The following MOGAT3 variants were observed in gnomAD, a reference collection of about 807,000 sequenced individuals.
MOGAT3 encodes 2-acylglycerol O-acyltransferase 3.
A neutral mutation model predicts 34.4 loss-of-function variants in MOGAT3; 39 were observed. The observed-to-expected ratio is 1.13, with a 90% CI of 0.88 to 1.48. The LOEUF (loss-of-function observed/expected upper bound fraction) is 1.48, where lower values mean the gene tolerates loss of function less well. Among genes scored for constraint, MOGAT3 ranks in the 40% most tolerant of loss-of-function variants. The pLI is 0.00. For missense variants in MOGAT3, 439 were observed against 438.9 expected, an observed-to-expected ratio of 1.00 and a Z score of 0.00; for synonymous variants, 209 against 179.2, an observed-to-expected ratio of 1.17 and a Z score of -1.33.
chr7:101,200,131 T>A (rs953179025), intron 3 of MOGAT3, 103 bp downstream of exon 3: 11 of 944,504 alleles, frequency 1.2e-5, no homozygotes, highest in Non-Finnish European at 1.7e-5. Flanking sequence ...TGCCTGAGCT[T>A]AGGCAGCGGG....
rs554373425 is a variant in MOGAT3, at chr7:101,196,552, T to C, written c.669-163A>G. Among the ~76,000 whole-genome samples, 15 of 152,320 alleles carry C rather than the reference T, an allele frequency of 9.8e-5. No individual in the cohort carries two copies. The South Asian group carries it at 3.1e-3, about 32-fold the overall frequency. On this transcript the variant is annotated intron_variant, in intron 5 of 6. Coordinates refer to ENST00000223114, the MANE Select transcript of MOGAT3 (RefSeq NM_178176.4). Reference sequence around the variant, plus strand: ...CAAAGAAAGATCTAGAAGACAGGACTCGCATTTCTTTCTCTTTCTTTTTCT... The same window carrying C: ...CAAAGAAAGATCTAGAAGACAGGACCCGCATTTCTTTCTCTTTCTTTTTCT...
At chr7:101,200,543 T>C (rs1797929760) in intron 1 of MOGAT3, 28 bp from the exon 2 acceptor site, 2 of 1,505,106 alleles carry the variant, frequency 1.3e-6, no homozygotes, top group Non-Finnish European at 1.8e-6. Flanking sequence ...AAGAAAAGAG[T>C]TCACTTCTGA....
At chr7:101,198,128 G>A (rs1797844872) in intron 5 of MOGAT3, 63 bp downstream of exon 5, 7 of 1,540,322 alleles carry the variant, frequency 4.5e-6, no homozygotes. Flanking sequence ...CTAGATGTCT[G>A]GGGACTGAGA....
rs559362771 is a variant in MOGAT3, at chr7:101,195,935, C to T, written c.*11G>A. The stretch of plus-strand genomic sequence containing the variant: ...TGGGCTCAGGGGCTCAGCGAAAGGC[C>T]GCGGCCAGGCCTAGATGAAGGTGAG... On this transcript the variant is annotated 3_prime_UTR_variant, in exon 7 of 7. Coordinates refer to ENST00000223114, the MANE Select transcript of MOGAT3 (RefSeq NM_178176.4). 6.7e-5 allele frequency: 108 copies of T among 1,613,920 alleles called. No homozygotes were observed. Among genetic ancestry groups the T allele is most frequent in the South Asian group, 6.5e-4 (59 of 91,078 alleles).
At position 101,196,246 on chromosome 7, in the gene MOGAT3, C is replaced by G. The variant is rs144059184; in HGVS notation, c.812G>C (p.Gly271Ala). 24 of 1,601,558 alleles carry G rather than the reference C, an allele frequency of 1.5e-5. No individual in the cohort carries two copies. The African/African-American group carries it at 2.1e-4, about 14-fold the overall frequency. Residue 271 changes from glycine to alanine, a missense_variant, in exon 6 of 7, where the codon GGT (glycine) becomes GCT (alanine). Coordinates refer to ENST00000223114, the MANE Select transcript of MOGAT3 (RefSeq NM_178176.4). Reference protein sequence around the residue: ...GFSPCIFWGRGLFSATSWGLL... With the variant: ...GFSPCIFWGRALFSATSWGLL... Reference sequence around the variant, plus strand: ...GCCCCAGGAGGTGGCTGAGAAGAGACCGCGACCCCAGAAGATGCAAGGAGA... The same window carrying G: ...GCCCCAGGAGGTGGCTGAGAAGAGAGCGCGACCCCAGAAGATGCAAGGAGA...
chr7:101,195,998 T>C lies in MOGAT3; in HGVS notation c.974A>G (p.Glu325Gly). 6.2e-7 allele frequency: 1 copy of C among 1,614,108 alleles called. No individual in the cohort carries two copies. Among genetic ancestry groups the C allele is most frequent in the Non-Finnish European group, 8.5e-7 (1 of 1,180,026 alleles). ...GGGGACCCCACAGCTTTCCTTGTGCTCCTCGAAGAGCTGCTCCAGGGCCGT... is the reference window on the plus strand; with the variant it reads ...GGGGACCCCACAGCTTTCCTTGTGCCCCTCGAAGAGCTGCTCCAGGGCCGT... ...YMTALEQLFEEHKESCGVPAS... is the reference protein window; with the variant it reads ...YMTALEQLFEGHKESCGVPAS... Residue 325 changes from glutamate to glycine, a missense_variant, in exon 7 of 7, where the codon GAG becomes GGG. By Grantham distance (98) the Glu-to-Gly change is moderately conservative (BLOSUM62 -2). Transcript: ENST00000223114.
chr7:101,199,204 C>T (rs1439149421), intron 3 of MOGAT3, among the ~76,000 whole-genome samples: 1 of 151,854 alleles, frequency 6.6e-6, no homozygotes, highest in Non-Finnish European at 1.5e-5. Flanking sequence ...GACGCAGTTT[C>T]ACCATATTGG....
intron 5 of MOGAT3, among the ~76,000 whole-genome samples, 154 bp downstream of exon 5, chr7:101,198,037 T>A (rs1797841819): frequency 6.6e-6 from 1 of 152,132 alleles, no homozygotes; most frequent in Non-Finnish European, 1.5e-5. Flanking sequence ...TGGTACCGAG[T>A]CATGCCCTGG....
At chr7:101,196,730 G>A (rs1584237637) in intron 5 of MOGAT3, among the ~76,000 whole-genome samples, 2 of 152,234 alleles carry the variant, frequency 1.3e-5, no homozygotes, top group African/African-American at 2.4e-5. Context: ...TTAGCCAGGT[G>A]TGGAAGTGGG....
chr7:101,197,996 G>C (rs1797840388), intron 5 of MOGAT3, among the ~76,000 whole-genome samples, 195 bp downstream of exon 5: 1 of 152,238 alleles, frequency 6.6e-6, no homozygotes, highest in Non-Finnish European at 1.5e-5. Flanking sequence ...ACGGATGTGG[G>C]AGGGAGCTTA....
At chr7:101,194,606 C>A (rs1797738012), downstream of MOGAT3, among the ~76,000 whole-genome samples, 1 of 149,476 alleles carries the variant, frequency 6.7e-6, no homozygotes, top group African/African-American at 2.5e-5. Flanking sequence ...GGGTTCACGC[C>A]ATTCTCCTGC....
At position 101,196,073 on chromosome 7, in the gene MOGAT3, C is replaced by A; in HGVS notation, c.899G>T (p.Arg300Leu). ...GACTTCCTCCTCGGTGGGGTGGAGG[C>A]GCTGGGGGACGGGGATGGGGCGGCC... ...VVGRPIPVPQ[R>L]LHPTEEEVNH... The change falls in exon 7 of 7, where the codon CGC (arginine) becomes CTC (leucine). Residue 300 changes from arginine (R) to leucine (L), a missense_variant. Physicochemically the swap from Arg to Leu is moderately radical, Grantham distance 102 (BLOSUM62 -2). Coordinates refer to ENST00000223114, the MANE Select transcript of MOGAT3 (RefSeq NM_178176.4). 3 of 1,612,116 alleles carry A rather than the reference C, an allele frequency of 1.9e-6. No individual in the cohort carries two copies. The highest frequency in any genetic ancestry group is 2.2e-5 in the East Asian group (1 of 44,832).
At position 101,195,778 on chromosome 7, in the gene MOGAT3, C is replaced by T. The variant is rs2116760138; in HGVS notation, c.*168G>A. ...GTGTTGCCCAGGCTGGTCTTCAACTCCTGGGCTCAAACGATCCTCCCACCT... is the reference window on the plus strand; with the variant it reads ...GTGTTGCCCAGGCTGGTCTTCAACTTCTGGGCTCAAACGATCCTCCCACCT... On this transcript the variant is annotated 3_prime_UTR_variant, in exon 7 of 7. Transcript: ENST00000223114. 2 of 686,082 alleles carry T rather than the reference C, an allele frequency of 2.9e-6. No homozygotes were observed. The highest frequency in any genetic ancestry group is 3.6e-5 in the South Asian group (2 of 55,262). 42.5% of individuals were successfully genotyped at this position (686,082 alleles called of 1,614,324 possible). A position where few individuals can be genotyped will look rare whatever the true frequency, so the allele number is the denominator to read the frequency against.
Position 101,198,314 on chromosome 7 carries a change from T to C in MOGAT3, c.545A>G (p.Gln182Arg), listed in dbSNP as rs778062104. Residue 182 changes from glutamine to arginine, a missense_variant, in exon 5 of 7, where the codon CAG becomes CGG. By Grantham distance (43) the Gln-to-Arg change is conservative. Transcript: ENST00000223114. ...QSLDFILSQP[Q>R]LGQAVVIMVG... is the part of the protein sequence containing the mutation. Reference sequence around the variant, plus strand: ...CATGATGACCACGGCCTGCCCGAGCTGGGGCTGGGACAGGATGAAGTCCAG... The same window carrying C: ...CATGATGACCACGGCCTGCCCGAGCCGGGGCTGGGACAGGATGAAGTCCAG... The C allele has an allele frequency of 3.1e-6, 5 of 1,596,388 alleles. No individual in the cohort carries two copies. In the South Asian group the frequency reaches 5.6e-5, roughly 18 times the overall value.
At chr7:101,196,936 G>A (rs1584237879) in intron 5 of MOGAT3, among the ~76,000 whole-genome samples, 1 of 152,078 alleles carries the variant, frequency 6.6e-6, no homozygotes, top group Non-Finnish European at 1.5e-5. Flanking sequence ...GCTGAGGTGG[G>A]TGGATCACCT....
At position 101,200,318 on chromosome 7, in the gene MOGAT3, G is replaced by A. The variant is rs369262155; in HGVS notation, c.218-14C>T. On this transcript the variant is annotated splice_polypyrimidine_tract_variant and intron_variant, in intron 2 of 6. Coordinates refer to ENST00000223114, the MANE Select transcript of MOGAT3 (RefSeq NM_178176.4). ...AACGCCTTCCACCTGCGGACAATGA[G>A]ATACTGGTGGACGAACCCCCGGAGT... 42 of 1,613,680 alleles carry A rather than the reference G, an allele frequency of 2.6e-5. No homozygotes were observed. Among genetic ancestry groups the A allele is most frequent in the Middle Eastern group, 1.6e-4 (1 of 6,084 alleles).
chr7:101,200,151 C>A, intron 3 of MOGAT3, 83 bp downstream of exon 3: 1 of 1,208,606 alleles, frequency 8.3e-7, no homozygotes, highest in Non-Finnish European at 1.2e-6. Context: ...GGAGCTCAGG[C>A]CCCAGCACAA....
At position 101,195,822 on chromosome 7, in the gene MOGAT3, G is replaced by T; in HGVS notation, c.*124C>A. The T allele has an allele frequency of 2.7e-6, 3 of 1,095,490 alleles. No individual in the cohort carries two copies. Among genetic ancestry groups the T allele is most frequent in the Non-Finnish European group, 4.0e-6 (3 of 754,146 alleles). 67.9% of individuals were successfully genotyped at this position (1,095,490 alleles called of 1,614,324 possible). On this transcript the variant is annotated 3_prime_UTR_variant, in exon 7 of 7. Transcript: ENST00000223114. ...CCCACCTTGGCCTCCCAAAGTGCTGGGATTACAGGCATGAGGCACTGCGCT... is the reference window on the plus strand; with the variant it reads ...CCCACCTTGGCCTCCCAAAGTGCTGTGATTACAGGCATGAGGCACTGCGCT...
At chr7:101,194,657 A>G (rs772916178), downstream of MOGAT3, among the ~76,000 whole-genome samples, 9 of 147,702 alleles carry the variant, frequency 6.1e-5, no homozygotes, top group Non-Finnish European at 1.3e-4. Flanking sequence ...GCCCGCCACC[A>G]TGCCTGGTTA....
Sources: gnomAD v4.1 joint callset for allele counts (sites outside exome capture counted in the v4.1 genomes callset) on GRCh38, gnomAD v4.1.1 for gene constraint, MANE v1.5 for transcripts, NCBI Gene and HGNC (gene_info 2026-07-23, HGNC 2026-07-21) for gene names.